APBA2: variants seen among roughly 807,000 people sequenced by gnomAD.
APBA2 encodes the protein amyloid beta precursor protein binding family A member 2.
Under a neutral mutation model 75.0 loss-of-function variants are expected in APBA2, and 30 were observed. The observed-to-expected ratio is 0.40, with a 90% confidence interval of 0.30 to 0.54. The LOEUF (loss-of-function observed/expected upper bound fraction) is 0.54. APBA2 is among the 20% of genes least tolerant of loss of function. APBA2 has a pLI of 0.49. For missense variants in APBA2, 801 were observed against 1,016.1 expected (o/e 0.79, Z 2.88); for synonymous variants, 444 against 409.6 (o/e 1.08, Z -1.01).
chr15:29,065,460 A>G (rs1345353482), intron 4 of APBA2, among the ~76,000 whole-genome samples: 2 of 152,204 alleles, frequency 1.3e-5, no homozygotes, highest in Admixed American at 1.3e-4. Flanking sequence ...GTCAGTTACT[A>G]TGAAGACATG....
chr15:29,019,538 C>T lies in APBA2; in HGVS notation c.-41+23732C>T, dbSNP rs573817453. Among the ~76,000 whole-genome samples, 4 of 152,264 alleles carry T rather than the reference C, an allele frequency of 2.6e-5. No homozygotes were observed. The East Asian group carries it at 7.7e-4, about 29-fold the overall frequency. On this transcript the variant is annotated intron_variant, in intron 3 of 14. Coordinates refer to ENST00000683413, the MANE Select transcript of APBA2 (RefSeq NM_001353788.2). ...TCATTATCTTATATAAGCATTTATG[C>T]ATGTGTAGATGTAGATGGCTGTGTT...
intron 3 of APBA2, among the ~76,000 whole-genome samples, chr15:29,052,620 A>T (rs912752653): frequency 6.6e-6 from 1 of 152,082 alleles, no homozygotes; most frequent in Non-Finnish European, 1.5e-5. Flanking sequence ...CCAGAGAGAC[A>T]GGGCTAAAAG....
intron 4 of APBA2, among the ~76,000 whole-genome samples, 177 bp downstream of exon 4, chr15:29,055,012 G>A (rs1240988164): frequency 1.3e-5 from 2 of 152,142 alleles, no homozygotes; most frequent in Admixed American, 6.5e-5. Flanking sequence ...TGGATGCTCC[G>A]GCCACTCTTA....
chr15:28,893,964 C>T (rs1025466213), intron 1 of APBA2: 1 of 152,276 alleles, frequency 6.6e-6, no homozygotes, highest in Non-Finnish European at 1.5e-5. Flanking sequence ...CTTGCCTTGA[C>T]TTCGTCTGGG....
At chr15:29,049,377 A>T (rs1321287835) in intron 3 of APBA2, among the ~76,000 whole-genome samples, 1 of 152,234 alleles carries the variant, frequency 6.6e-6, no homozygotes, top group East Asian at 1.9e-4. Context: ...AAAGGATTCT[A>T]GACAGTGACT....
At chr15:29,019,869 G>T (rs1409548970) in intron 3 of APBA2, among the ~76,000 whole-genome samples, 1 of 152,266 alleles carries the variant, frequency 6.6e-6, no homozygotes, top group Non-Finnish European at 1.5e-5. Flanking sequence ...GCTGTCATCT[G>T]CATTCTGCAG....
chr15:28,924,276 T>C (rs1440734092), intron 2 of APBA2, among the ~76,000 whole-genome samples: 2 of 152,150 alleles, frequency 1.3e-5, no homozygotes, highest in African/African-American at 2.4e-5. Flanking sequence ...AAAATTCATA[T>C]AACATTAGCC....
chr15:29,063,128 G>A (rs57389865), intron 4 of APBA2, among the ~76,000 whole-genome samples: 1 of 121,044 alleles, frequency 8.3e-6, no homozygotes. Flanking sequence ...TGTATGGGTG[G>A]GGAGGGGAGT....
At chr15:28,962,569 A>AAAT (rs1235888705) in intron 2 of APBA2, among the ~76,000 whole-genome samples, 1 of 150,832 alleles carries the variant, frequency 6.6e-6, no homozygotes, top group Non-Finnish European at 1.5e-5. Flanking sequence ...CCGTCTCAAA[A>AAAT]AATAATAATA....
At chr15:29,061,520 A>G (rs928682574) in intron 4 of APBA2, among the ~76,000 whole-genome samples, 11 of 152,220 alleles carry the variant, frequency 7.2e-5, no homozygotes, top group Non-Finnish European at 1.2e-4. Context: ...CCTTCTGCCA[A>G]TAGAAAAAAG....
At chr15:29,019,397 C>T (rs2039837587) in intron 3 of APBA2, among the ~76,000 whole-genome samples, 1 of 152,212 alleles carries the variant, frequency 6.6e-6, no homozygotes, top group Non-Finnish European at 1.5e-5. Flanking sequence ...TTGTGCAACA[C>T]AGGAGTGCAT....
chr15:28,998,322 G>A (rs144897705), intron 3 of APBA2, among the ~76,000 whole-genome samples: 1 of 150,912 alleles, frequency 6.6e-6, no homozygotes, highest in African/African-American at 2.4e-5. Context: ...CGATTATCCT[G>A]AAGGAACACA....
chr15:29,105,678 G>A (rs867555032), intron 11 of APBA2, 120 bp downstream of exon 11: 67 of 1,078,104 alleles, frequency 6.2e-5, no homozygotes, highest in Non-Finnish European at 8.0e-5. Flanking sequence ...TCAGACTCCA[G>A]TGGGGCCCGG....
At chr15:28,993,240 CA>C (rs1397099108) in intron 2 of APBA2, among the ~76,000 whole-genome samples, 3 of 152,232 alleles carry the variant, frequency 2.0e-5, no homozygotes, top group Non-Finnish European at 4.4e-5. Context: ...GCATGACTTT[CA>C]GGGGAGCCCT....
intron 2 of APBA2, among the ~76,000 whole-genome samples, chr15:28,930,836 C>T (rs956062774): frequency 6.6e-6 from 1 of 152,204 alleles, no homozygotes; most frequent in Non-Finnish European, 1.5e-5. Flanking sequence ...TCTCCCTATC[C>T]TCCACCATGC....
intron 2 of APBA2, among the ~76,000 whole-genome samples, chr15:28,935,211 C>G (rs1483181667): frequency 2.0e-5 from 3 of 152,214 alleles, no homozygotes; most frequent in Non-Finnish European, 4.4e-5. Context: ...GAGCAAGAGC[C>G]CTGCACGGTG....
At chr15:29,038,850 G>T (rs907766963) in intron 3 of APBA2, among the ~76,000 whole-genome samples, 1 of 150,922 alleles carries the variant, frequency 6.6e-6, no homozygotes, top group African/African-American at 2.4e-5. Flanking sequence ...ATTTTTGTAT[G>T]TTTAGTAGAG....
chr15:28,889,090 C>T (rs558566720), intron 1 of APBA2, among the ~76,000 whole-genome samples: 7 of 152,200 alleles, frequency 4.6e-5, no homozygotes, highest in South Asian at 2.1e-4. Context: ...CTGGCTCCTT[C>T]GTTTCCCAGA....
chr15:29,077,452 C>T (rs1386957671), intron 6 of APBA2, among the ~76,000 whole-genome samples: 1 of 152,220 alleles, frequency 6.6e-6, no homozygotes, highest in Non-Finnish European at 1.5e-5. Flanking sequence ...AGAACTCTCA[C>T]ACTAGGAGGT....
Sources: allele counts gnomAD v4.1 joint callset (sites outside exome capture counted in the v4.1 genomes callset), GRCh38; gene constraint gnomAD v4.1.1; transcripts MANE v1.5; gene names NCBI Gene and HGNC (gene_info 2026-07-23, HGNC 2026-07-21).